The following ARLN variants were observed in gnomAD, a reference collection of about 807,000 sequenced individuals.
ARLN encodes allregulin.
the ARLN span, chr4:119,300,720 T>G: frequency 2.0e-6 from 3 of 1,525,108 alleles, no homozygotes; most frequent in Admixed American, 4.0e-5. Context: ...GGCTTTCCGC[T>G]GCCTCCGTGA....
At chr4:119,304,210 C>T in the ARLN span, 1 of 1,468,410 alleles carries the variant, frequency 6.8e-7, no homozygotes, top group Non-Finnish European at 9.2e-7. Context: ...CTACAATTCA[C>T]ATTGATCTCT....
the ARLN span, among the ~76,000 whole-genome samples, chr4:119,302,617 A>G: frequency 6.6e-6 from 1 of 152,232 alleles, no homozygotes; most frequent in Non-Finnish European, 1.5e-5. Flanking sequence ...CAGTCATGCA[A>G]TACCTCGGCA....
chr4:119,304,338 A>G, the ARLN span: 6 of 1,536,870 alleles, frequency 3.9e-6, no homozygotes, highest in Non-Finnish European at 4.4e-6. Flanking sequence ...CAAGGCAGTG[A>G]ATGAAGTATT....
At chr4:119,304,351 T>C in the ARLN span, 1 of 1,536,948 alleles carries the variant, frequency 6.5e-7, no homozygotes, top group Non-Finnish European at 8.7e-7. Flanking sequence ...GAAGTATTTG[T>C]TTCCATAGTT....
the ARLN span, among the ~76,000 whole-genome samples, chr4:119,302,003 A>G: frequency 6.6e-6 from 1 of 152,240 alleles, no homozygotes; most frequent in South Asian, 2.1e-4. Flanking sequence ...GTCTGATGGT[A>G]GTAGACAAAA....
At chr4:119,298,883 C>G in the ARLN span, 1 of 652,766 alleles carries the variant, frequency 1.5e-6, no homozygotes, top group Non-Finnish European at 2.8e-6. Context: ...TAGAACATTT[C>G]TTGTAAGGCC....
the ARLN span, chr4:119,301,042 C>T: frequency 2.7e-6 from 1 of 371,178 alleles, no homozygotes; most frequent in Non-Finnish European, 4.9e-6. Flanking sequence ...GGTGGACGTC[C>T]TACTCACGGG....
At chr4:119,300,706 G>GCTCGGCTTTCCGCTGC in the ARLN span, 1 of 1,528,502 alleles carries the variant, frequency 6.5e-7, no homozygotes, top group Non-Finnish European at 8.8e-7. Flanking sequence ...CAGGCGCCTG[G>GCTCGGCTTTCCGCTGC]CTCGGCTTTC....
the ARLN span, chr4:119,298,772 G>A: frequency 6.3e-5 from 49 of 774,692 alleles, no homozygotes; most frequent in Middle Eastern, 2.2e-4. Flanking sequence ...AGATATCAGC[G>A]AACAAGTCTG....
At chr4:119,297,279 G>A in the ARLN span, 6 of 152,160 alleles carry the variant, frequency 3.9e-5, no homozygotes, top group Admixed American at 6.5e-5. Context: ...CCCTAAGAAC[G>A]ATTTTGAAAG....
At chr4:119,300,462 C>G in the ARLN span, 4 of 1,614,148 alleles carry the variant, frequency 2.5e-6, no homozygotes, top group Non-Finnish European at 3.4e-6. Context: ...GAAGTTCTGC[C>G]TCCCTCCCTC....
chr4:119,301,087 G>A, the ARLN span, among the ~76,000 whole-genome samples: 1 of 151,836 alleles, frequency 6.6e-6, no homozygotes, highest in Non-Finnish European at 1.5e-5. Flanking sequence ...AGCAGCACGT[G>A]AGCATTTTGC....
chr4:119,300,417 G>C, the ARLN span: 1 of 1,613,860 alleles, frequency 6.2e-7, no homozygotes, highest in Non-Finnish European at 8.5e-7. Flanking sequence ...GGAGTGTTTG[G>C]GAAGCCCATT....
the ARLN span, chr4:119,300,868 C>A: frequency 3.0e-5 from 42 of 1,379,000 alleles, no homozygotes; most frequent in Non-Finnish European, 3.7e-5. Context: ...CTGAAAGGCC[C>A]AGTCCAGTCA....
the ARLN span, chr4:119,300,884 TG>T: frequency 7.8e-7 from 1 of 1,288,432 alleles, no homozygotes; most frequent in African/African-American, 1.5e-5. Flanking sequence ...AGTCAGGTGA[TG>T]GACTCCTCCC....
the ARLN span, among the ~76,000 whole-genome samples, chr4:119,301,138 G>GC: frequency 6.7e-6 from 1 of 150,148 alleles, no homozygotes; most frequent in South Asian, 2.1e-4. Context: ...ACCTGGCCGC[G>GC]CCCCCCTGTA....
At chr4:119,300,317 T>C in the ARLN span, 1 of 1,591,572 alleles carries the variant, frequency 6.3e-7, no homozygotes, top group Non-Finnish European at 8.6e-7. Flanking sequence ...CACCCCAATT[T>C]TGCATTCGAG....
the ARLN span, chr4:119,298,853 T>A: frequency 2.8e-6 from 2 of 719,272 alleles, no homozygotes; most frequent in South Asian, 3.2e-5. Context: ...CCTATTTACA[T>A]ATTGATAAAA....
At chr4:119,299,191 A>T in the ARLN span, among the ~76,000 whole-genome samples, 1 of 152,082 alleles carries the variant, frequency 6.6e-6, no homozygotes, top group East Asian at 1.9e-4. Flanking sequence ...AGCTCAAGCA[A>T]TCCTCCTATT....
Sources: gnomAD v4.1 joint callset for allele counts (sites outside exome capture counted in the v4.1 genomes callset) on GRCh38, gnomAD v4.1.1 for gene constraint, MANE v1.5 for transcripts, NCBI Gene and HGNC (gene_info 2026-07-23, HGNC 2026-07-21) for gene names.